Variants in NOP58 observed in about 807,000 individuals in gnomAD.
NOP58 encodes NOP58 ribonucleoprotein.
Under a neutral mutation model 71.2 loss-of-function variants are expected in NOP58, and 44 were observed. The observed-to-expected ratio is 0.62, with a 90% confidence interval of 0.49 to 0.79. NOP58 has a LOEUF of 0.79. Among genes scored for constraint, NOP58 ranks in the 30% least tolerant of loss-of-function variants. The pLI is 0.00. For synonymous variants in NOP58, 228 were observed against 200.3 expected (o/e 1.14, Z -1.17); for missense variants, 538 against 620.2 (o/e 0.87, Z 1.41).
chr2:202,286,796 A>C (rs565034803), intron 5 of NOP58, among the ~76,000 whole-genome samples: 104 of 152,290 alleles, frequency 6.8e-4, no homozygotes, highest in African/African-American at 2.0e-3. Flanking sequence ...TTTGGTTGTC[A>C]CAATTGGAGG....
chr2:202,293,867 G>T (rs1330434793), intron 9 of NOP58, among the ~76,000 whole-genome samples: 1 of 152,046 alleles, frequency 6.6e-6, no homozygotes, highest in African/African-American at 2.4e-5. Flanking sequence ...GAGCCACTGC[G>T]CCCGGCCTGG....
chr2:202,298,339 A>G (rs1017260562), intron 12 of NOP58, among the ~76,000 whole-genome samples: 1 of 152,090 alleles, frequency 6.6e-6, no homozygotes, highest in African/African-American at 2.4e-5. Flanking sequence ...AAGTTCCTCT[A>G]TAATATGTTC....
chr2:202,290,484 C>A, intron 7 of NOP58, 27 bp downstream of exon 7: 2 of 1,574,876 alleles, frequency 1.3e-6, no homozygotes, highest in Non-Finnish European at 1.7e-6. Context: ...TCCTTTAAGG[C>A]ATTGAAAGTA....
At chr2:202,266,504 C>CG (rs1184919796) in intron 1 of NOP58, among the ~76,000 whole-genome samples, 1 of 151,840 alleles carries the variant, frequency 6.6e-6, no homozygotes, top group African/African-American at 2.4e-5. Context: ...TTAGTAGAGA[C>CG]GGGGTTTCAC....
chr2:202,300,741 G>A (rs1368833005), intron 13 of NOP58, among the ~76,000 whole-genome samples: 1 of 152,146 alleles, frequency 6.6e-6, no homozygotes, highest in African/African-American at 2.4e-5. Flanking sequence ...TTTCTTCATT[G>A]TTTCTCTTAC....
Position 202,295,775 on chromosome 2 carries a change from A to G in NOP58, c.1009A>G (p.Lys337Glu). Residue 337 changes from lysine (K) to glutamate (E), a missense_variant, in exon 10 of 15, where the codon AAG becomes GAG. Transcript: ENST00000264279. ...RALKSRRDTPKYGLIYHASLV... is the reference protein window; with the variant it reads ...RALKSRRDTPEYGLIYHASLV... ...CCTCAAATCTAGACGGGATACCCCT[A>G]AGTATGGTCTCATTTATCATGCTTC... 6.2e-7 allele frequency: 1 copy of G among 1,611,284 alleles called. No individual in the cohort carries two copies. The highest frequency in any genetic ancestry group is 8.5e-7 in the Non-Finnish European group (1 of 1,179,008).
chr2:202,298,459 T>A (rs1440635956), intron 12 of NOP58, among the ~76,000 whole-genome samples: 1 of 152,150 alleles, frequency 6.6e-6, no homozygotes, highest in Non-Finnish European at 1.5e-5. Flanking sequence ...AACACAGGCC[T>A]GGCCAACATG....
At chr2:202,282,610 G>A in intron 4 of NOP58, 138 bp downstream of exon 4, 5 of 762,152 alleles carry the variant, frequency 6.6e-6, no homozygotes, top group South Asian at 4.7e-5. Flanking sequence ...ACATGATAAT[G>A]GATTTCCCCT....
intron 7 of NOP58, 140 bp from the exon 8 acceptor site, chr2:202,290,985 T>C (rs772428519): frequency 1.5e-6 from 1 of 659,080 alleles, no homozygotes; most frequent in Non-Finnish European, 2.5e-6. Flanking sequence ...ACTGTTATAC[T>C]AGGTCAAACT....
chr2:202,287,858 TC>T, intron 6 of NOP58, 134 bp downstream of exon 6: 1 of 658,524 alleles, frequency 1.5e-6, no homozygotes, highest in South Asian at 1.9e-5. Context: ...AAGCCTTTAA[TC>T]CCAGCACTTG....
rs551243504 is a variant in NOP58 at position 202,289,967 on chromosome 2, T to A, written c.500-356T>A. 2.6e-5 allele frequency among the ~76,000 whole-genome samples: 4 copies of A among 152,222 alleles called. No homozygotes were observed. The East Asian group carries it at 7.7e-4, about 29-fold the overall frequency. ...TATTTTTTATTCTTTTTTTTTTAAA[T>A]TTTTTGCGACGGAATCTTGCTCTGT... On this transcript the variant is annotated intron_variant, in intron 6 of 14. Coordinates refer to ENST00000264279, the MANE Select transcript of NOP58 (RefSeq NM_015934.5).
intron 1 of NOP58, among the ~76,000 whole-genome samples, chr2:202,268,879 A>T (rs1688468156): frequency 6.6e-6 from 1 of 152,244 alleles, no homozygotes; most frequent in East Asian, 1.9e-4. Flanking sequence ...AAGTGCTGGG[A>T]TTACAGGCGT....
At chr2:202,286,481 G>T (rs979832789) in intron 5 of NOP58, among the ~76,000 whole-genome samples, 6 of 152,098 alleles carry the variant, frequency 3.9e-5, no homozygotes, top group Non-Finnish European at 7.4e-5. Context: ...CTCCAGCCTG[G>T]GTGACAGAGT....
intron 2 of NOP58, among the ~76,000 whole-genome samples, chr2:202,275,920 C>T (rs1171285979): frequency 2.0e-5 from 3 of 152,160 alleles, no homozygotes; most frequent in Non-Finnish European, 4.4e-5. Context: ...CCGCCTGCCT[C>T]GGCCTCACAA....
chr2:202,303,011 A>G lies in NOP58; in HGVS notation c.1493A>G (p.Glu498Gly), dbSNP rs763479299. Residue 498 changes from glutamate (E) to glycine (G), a missense_variant, in exon 14 of 15, where the codon GAA becomes GGA. By Grantham distance (98) the Glu-to-Gly change is moderately conservative. Transcript: ENST00000264279. Reference protein sequence around the residue: ...KKRGKKKHIKEEPLSEEEPCT... With the variant: ...KKRGKKKHIKGEPLSEEEPCT... Reference sequence around the variant, plus strand: ...AGGGGTAAAAAGAAACACATTAAGGAAGAACCACTTTCTGAGGAAGAACCA... The same window carrying G: ...AGGGGTAAAAAGAAACACATTAAGGGAGAACCACTTTCTGAGGAAGAACCA... 1 of 1,612,874 alleles carries G rather than the reference A, an allele frequency of 6.2e-7. No homozygotes were observed. Among genetic ancestry groups the G allele is most frequent in the Admixed American group, 1.7e-5 (1 of 59,976 alleles).
chr2:202,269,990 C>A (rs929481084), intron 1 of NOP58, among the ~76,000 whole-genome samples: 2 of 152,154 alleles, frequency 1.3e-5, no homozygotes, highest in African/African-American at 4.8e-5. Context: ...TGTGTCACTT[C>A]ATTTTCTCAA....
intron 8 of NOP58, chr2:202,291,474 A>G: frequency 5.1e-6 from 2 of 392,190 alleles, no homozygotes; most frequent in Non-Finnish European, 9.1e-6. Context: ...GTAATTTACA[A>G]TCATCGTCTG....
Position 202,287,673 on chromosome 2 carries a change from A to G in NOP58, c.448A>G (p.Arg150Gly). 1 of 1,612,562 alleles carries G rather than the reference A, an allele frequency of 6.2e-7. No individual in the cohort carries two copies. The highest frequency in any genetic ancestry group is 8.5e-7 in the Non-Finnish European group (1 of 1,178,614). Residue 150 changes from arginine to glycine, a missense_variant, in exon 6 of 15, where the codon AGA becomes GGA. Arg to Gly is a moderately radical substitution (Grantham distance 125, BLOSUM62 -2). Coordinates refer to ENST00000264279, the MANE Select transcript of NOP58 (RefSeq NM_015934.5). ...CTTTCTTCCCAGCCTGTCTCGATATAGATTGAAGTTTAGCGCTGATAAAGT... is the reference window on the plus strand; with the variant it reads ...CTTTCTTCCCAGCCTGTCTCGATATGGATTGAAGTTTAGCGCTGATAAAGT... ...LGLAHSLSRY[R>G]LKFSADKVDT...
chr2:202,287,748 C>T (rs1015450093), intron 6 of NOP58, 24 bp downstream of exon 6: 28 of 1,509,944 alleles, frequency 1.9e-5, no homozygotes, highest in African/African-American at 5.5e-5. Flanking sequence ...ATGCAAAGTC[C>T]GATTTGTTGC....
Sources: gnomAD v4.1 joint callset for allele counts (sites outside exome capture counted in the v4.1 genomes callset) on GRCh38, gnomAD v4.1.1 for gene constraint, MANE v1.5 for transcripts, NCBI Gene and HGNC (gene_info 2026-07-23, HGNC 2026-07-21) for gene names.